MORC3: variants seen among roughly 807,000 people sequenced by gnomAD.
MORC3 encodes the protein MORC family CW-type zinc finger protein 3.
Under a neutral mutation model 109.1 loss-of-function variants are expected in MORC3, and 31 were observed. The ratio of observed to expected loss-of-function variants is 0.28; its 90% CI spans 0.21 to 0.38. The LOEUF is 0.38. MORC3 is among the 10% of genes least tolerant of loss of function. The pLI, the probability that MORC3 is intolerant of heterozygous loss-of-function variation, is 1.00. For missense variants in MORC3, 867 were observed against 1,135.8 expected (o/e 0.76, Z 3.40); for synonymous variants, 395 against 380.7 (o/e 1.04, Z -0.44).
intron 1 of MORC3, among the ~76,000 whole-genome samples, chr21:36,328,247 G>A (rs1261088156): frequency 1.3e-5 from 2 of 151,312 alleles, no homozygotes; most frequent in Non-Finnish European, 1.5e-5. Context: ...TCTTTGTCCT[G>A]GTTCTTGGCA....
At chr21:36,346,535 C>T (rs778838738) in intron 8 of MORC3, among the ~76,000 whole-genome samples, 6 of 152,024 alleles carry the variant, frequency 3.9e-5, no homozygotes, top group East Asian at 3.9e-4. Context: ...CAGCTGAGTA[C>T]GGTGCCTTAC....
intron 10 of MORC3, among the ~76,000 whole-genome samples, chr21:36,357,747 T>A: frequency 7.4e-6 from 1 of 135,172 alleles, no homozygotes; most frequent in African/African-American, 3.1e-5. Flanking sequence ...TTTTTTTTGG[T>A]TTTTTTTTTT....
intron 15 of MORC3, among the ~76,000 whole-genome samples, 178 bp downstream of exon 15, chr21:36,370,054 A>G (rs929847627): frequency 1.6e-4 from 25 of 152,150 alleles, no homozygotes; most frequent in Admixed American, 1.2e-3. Flanking sequence ...CAAAATGGTG[A>G]AACCCCGTTT....
At chr21:36,352,983 AAAAG>A (rs2085590855) in intron 9 of MORC3, among the ~76,000 whole-genome samples, 3 of 151,958 alleles carry the variant, frequency 2.0e-5, no homozygotes, top group African/African-American at 7.3e-5. Flanking sequence ...AAAAAAAAAA[AAAAG>A]AAAACCATCT....
At chr21:36,337,484 T>C (rs892370037) in intron 3 of MORC3, among the ~76,000 whole-genome samples, 3 of 152,102 alleles carry the variant, frequency 2.0e-5, no homozygotes, top group Non-Finnish European at 4.4e-5. Flanking sequence ...GGTTTCCTTA[T>C]TTCAGAGCTG....
At chr21:36,367,799 G>C (rs1344729370) in intron 14 of MORC3, among the ~76,000 whole-genome samples, 1 of 152,166 alleles carries the variant, frequency 6.6e-6, no homozygotes, top group Non-Finnish European at 1.5e-5. Flanking sequence ...AAGAGATGAG[G>C]AATTAGAATG....
chr21:36,325,621 G>C (rs1018236868), intron 1 of MORC3, among the ~76,000 whole-genome samples: 3 of 152,214 alleles, frequency 2.0e-5, no homozygotes, highest in Non-Finnish European at 1.5e-5. Flanking sequence ...TCCAGCACCT[G>C]ACAAACACTA....
At chr21:36,324,075 A>C (rs971792474) in intron 1 of MORC3, among the ~76,000 whole-genome samples, 14 of 151,920 alleles carry the variant, frequency 9.2e-5, no homozygotes, top group African/African-American at 3.4e-4. Context: ...GGGTTTCTCC[A>C]TGTTGGTCAG....
intron 13 of MORC3, among the ~76,000 whole-genome samples, chr21:36,363,312 G>T (rs2085741519): frequency 6.6e-6 from 1 of 152,110 alleles, no homozygotes; most frequent in Non-Finnish European, 1.5e-5. Flanking sequence ...TACTCAGGAG[G>T]CTGAGGCACA....
At chr21:36,347,165 C>T (rs951925491) in intron 8 of MORC3, among the ~76,000 whole-genome samples, 1 of 151,838 alleles carries the variant, frequency 6.6e-6, no homozygotes, top group Non-Finnish European at 1.5e-5. Context: ...GGTGATAATT[C>T]TTTGTCTTAA....
At chr21:36,361,638 G>A (rs1372767213) in intron 12 of MORC3, 2 of 156,022 alleles carry the variant, frequency 1.3e-5, no homozygotes, top group Non-Finnish European at 2.8e-5. Context: ...TATAATTCTA[G>A]CACTTTGGGA....
intron 9 of MORC3, among the ~76,000 whole-genome samples, chr21:36,352,080 G>A (rs542629630): frequency 3.3e-4 from 50 of 152,276 alleles, no homozygotes; most frequent in Admixed American, 9.2e-4. Context: ...CAAGTGGGTT[G>A]TGTTCTAAGA....
intron 14 of MORC3, among the ~76,000 whole-genome samples, chr21:36,367,311 C>T (rs1300912103): frequency 6.6e-6 from 1 of 152,142 alleles, no homozygotes; most frequent in African/African-American, 2.4e-5. Flanking sequence ...GTTTGAGCAC[C>T]CTTTGAATCA....
chr21:36,359,179 CAT>C lies in MORC3; in HGVS notation c.1209-774_1209-773del, dbSNP rs960657598. The stretch of plus-strand genomic sequence containing the variant: ...TAGATTTAACATTGTAGACACTAAA[CAT>C]AAAGTTCAGGGCAAGGCATTTGAAA... On this transcript the variant is annotated intron_variant, in intron 10 of 16. Transcript: ENST00000400485. Among the ~76,000 whole-genome samples, 64 of 152,220 alleles carry C rather than the reference CAT, an allele frequency of 4.2e-4. 1 individual carries two copies. The highest frequency in any genetic ancestry group is 1.4e-3 in the African/African-American group (58 of 41,526).
intron 14 of MORC3, among the ~76,000 whole-genome samples, chr21:36,366,636 G>A (rs1210611775): frequency 6.6e-6 from 1 of 152,102 alleles, no homozygotes; most frequent in Non-Finnish European, 1.5e-5. Context: ...TTGTGTTGTA[G>A]TATAGATGGG....
At chr21:36,371,798 C>CTGTTT (rs577637151) in intron 15 of MORC3, among the ~76,000 whole-genome samples, 1,971 of 149,550 alleles carry the variant, frequency 0.013, 24 homozygotes, top group East Asian at 0.036. Context: ...CTTGGTTTTT[C>CTGTTT]TGTTTTGTTT....
At chr21:36,335,776 G>T (rs923028160) in intron 2 of MORC3, among the ~76,000 whole-genome samples, 1 of 152,196 alleles carries the variant, frequency 6.6e-6, no homozygotes, top group African/African-American at 2.4e-5. Context: ...ACAATTTAAA[G>T]AAATAGTAGA....
At chr21:36,341,327 G>A (rs185465892) in intron 5 of MORC3, 72 bp from the exon 6 acceptor site, 20 of 1,395,666 alleles carry the variant, frequency 1.4e-5, no homozygotes, top group East Asian at 2.3e-5. Context: ...CCTTTTTAAT[G>A]ACTTACAGTG....
chr21:36,333,398 A>G, intron 1 of MORC3: 1 of 509,822 alleles, frequency 2.0e-6, no homozygotes, highest in South Asian at 2.7e-5. Context: ...GACAGTTATG[A>G]CATTGTAGAC....
Sources: gnomAD v4.1 joint callset for allele counts (sites outside exome capture counted in the v4.1 genomes callset) on GRCh38, gnomAD v4.1.1 for gene constraint, MANE v1.5 for transcripts, NCBI Gene and HGNC (gene_info 2026-07-23, HGNC 2026-07-21) for gene names.